The following TSC1 variants were observed in gnomAD, a reference collection of about 807,000 sequenced individuals.
The protein encoded by TSC1 is hamartin.
In TSC1, 20 loss-of-function variants were observed where a neutral mutation model predicts 124.3. That is an observed-to-expected ratio of 0.16 (90% CI 0.11 to 0.23). The LOEUF (loss-of-function observed/expected upper bound fraction) is 0.23. Ranked by LOEUF, TSC1 falls within the 10% of genes least tolerant of loss-of-function variation. The pLI is 1.00. For missense variants in TSC1, 1,124 were observed against 1,448.5 expected (o/e 0.78, Z 3.64); for synonymous variants, 493 against 539.1 (o/e 0.91, Z 1.19).
At chr9:132,927,649 A>G (rs952336824) in intron 3 of TSC1, among the ~76,000 whole-genome samples, 1 of 150,212 alleles carries the variant, frequency 6.7e-6, no homozygotes, top group African/African-American at 2.5e-5. Context: ...CAGCCTCCCA[A>G]GTAGCTAGCT....
At chr9:132,929,010 GA>G in intron 2 of TSC1, 58 bp from the exon 3 acceptor site, 1 of 1,445,056 alleles carries the variant, frequency 6.9e-7, no homozygotes, top group South Asian at 1.3e-5. Flanking sequence ...CATAAAAAAA[GA>G]AAATACCTGC....
chr9:132,903,959 C>A lies in TSC1; in HGVS notation c.2042-142G>T, dbSNP rs1331392641. ...TCTCTTTGCAAATGACCACTTGACTCCCAGCAACAGCAGGGGGGAAAGTAT... is the reference window on the plus strand; with the variant it reads ...TCTCTTTGCAAATGACCACTTGACTACCAGCAACAGCAGGGGGGAAAGTAT... On this transcript the variant is annotated intron_variant, in intron 16 of 22. Coordinates refer to ENST00000298552, the MANE Select transcript of TSC1 (RefSeq NM_000368.5). This position sits in a 1 kb window ranked among gnomAD's most constrained non-coding sequence, Gnocchi z 5.9. 5.2e-6 allele frequency: 5 copies of A among 959,890 alleles called. No individual in the cohort carries two copies. Among genetic ancestry groups the A allele is most frequent in the Admixed American group, 4.0e-5 (2 of 49,650 alleles). 59.5% of individuals were successfully genotyped at this position (959,890 alleles called of 1,614,324 possible).
At position 132,895,640 on chromosome 9, in the gene TSC1, G is replaced by T; in HGVS notation, c.*595C>A. On this transcript the variant is annotated 3_prime_UTR_variant, in exon 23 of 23. Transcript: ENST00000298552. ...AGGAAGCTTATCAGAACTGCCAAAA[G>T]AATGCAAGTATGAATAAACCGTTGT... The T allele has an allele frequency of 4.2e-6, 1 of 235,504 alleles. No individual in the cohort carries two copies. Among genetic ancestry groups the T allele is most frequent in the Non-Finnish European group, 8.4e-6 (1 of 119,508 alleles). The allele number at this position is 235,504 out of a possible 1,614,324, so 14.6% of individuals were successfully genotyped here.
chr9:132,936,629 G>C (rs1847469057), intron 1 of TSC1, among the ~76,000 whole-genome samples: 1 of 151,752 alleles, frequency 6.6e-6, no homozygotes. Flanking sequence ...TTAAAATATG[G>C]GTCCTTCAAA....
chr9:132,935,342 C>G (rs1303632278), intron 1 of TSC1, among the ~76,000 whole-genome samples: 1 of 152,192 alleles, frequency 6.6e-6, no homozygotes, highest in East Asian at 1.9e-4. Context: ...TTGTTAATGT[C>G]TGTTAGAGGT....
At position 132,910,671 on chromosome 9, in the gene TSC1, A is replaced by C. The variant is rs377598226; in HGVS notation, c.1163T>G (p.Leu388Arg). The C allele has an allele frequency of 2.5e-6, 4 of 1,613,996 alleles. No homozygotes were observed. Among genetic ancestry groups the C allele is most frequent in the Non-Finnish European group, 3.4e-6 (4 of 1,180,032 alleles). Residue 388 changes from leucine to arginine, a missense_variant, in exon 12 of 23, where the codon CTG (leucine) becomes CGG (arginine). Around this residue, in one of 5 missense-constraint regions of TSC1, gnomAD observed 463 missense variants for 606.8 expected, o/e 0.76. Coordinates refer to ENST00000298552, the MANE Select transcript of TSC1 (RefSeq NM_000368.5). The stretch of plus-strand genomic sequence containing the variant: ...AGGAGGAGAGGTTGCTGGGGTTCCC[A>C]GAGGAGTTCCTTTTCCACCTGCTTA... ...GTTAGGKGTP[L>R]GTPATSPPPA... is the part of the protein sequence containing the mutation.
intron 8 of TSC1, among the ~76,000 whole-genome samples, chr9:132,913,894 T>G (rs1314443118): frequency 6.8e-5 from 4 of 59,228 alleles, no homozygotes; most frequent in Admixed American, 1.7e-4. Flanking sequence ...TTGTTTTGTT[T>G]TTTTTTTTTT....
chr9:132,910,090 G>A (rs1270300760), intron 12 of TSC1: 1 of 184,312 alleles, frequency 5.4e-6, no homozygotes, highest in East Asian at 1.4e-4. Flanking sequence ...TTTGAGTCCA[G>A]GAGTTTAAGA....
chr9:132,894,103 C>T lies in TSC1; in HGVS notation c.*2132G>A, dbSNP rs1306556506. On this transcript the variant is annotated 3_prime_UTR_variant, in exon 23 of 23. Coordinates refer to ENST00000298552, the MANE Select transcript of TSC1 (RefSeq NM_000368.5). ...GTTATAAAGCTGAGTAAAAGGACAC[C>T]CAGGCCGCATGGATGAGCTGAGGAC... 8.6e-6 allele frequency: 2 copies of T among 233,500 alleles called. No homozygotes were observed. The highest frequency in any genetic ancestry group is 1.7e-5 in the Non-Finnish European group (2 of 118,022). The allele number at this position is 233,500 out of a possible 1,614,324, so 14.5% of individuals were successfully genotyped here.
At chr9:132,929,916 C>A (rs1847115607) in intron 2 of TSC1, among the ~76,000 whole-genome samples, 1 of 152,144 alleles carries the variant, frequency 6.6e-6, no homozygotes, top group African/African-American at 2.4e-5. Flanking sequence ...TGCCCGACTC[C>A]AAAGCCCCAA....
rs2131871148 is a variant in TSC1 at position 132,906,882 on chromosome 9, C to T, written c.1334-47G>A. On this transcript the variant is annotated intron_variant, in intron 13 of 22. Transcript: ENST00000298552. This position sits in a 1 kb window ranked among gnomAD's most constrained non-coding sequence, Gnocchi z 4.1. ...TGAAGTCAAAGAAATACAGTGTAAT[C>T]CCTGTAAGTGTAAAACTGCTTACAC... is the stretch of plus-strand genomic sequence containing the variant. The T allele has an allele frequency of 6.7e-7, 1 of 1,488,886 alleles. No individual in the cohort carries two copies. Among genetic ancestry groups the T allele is most frequent in the Non-Finnish European group, 9.4e-7 (1 of 1,067,732 alleles). The allele number at this position is 1,488,886 out of a possible 1,614,324, so 92.2% of individuals were successfully genotyped here.
intron 18 of TSC1, 143 bp from the exon 19 acceptor site, chr9:132,901,842 A>G: frequency 1.5e-6 from 1 of 678,306 alleles, no homozygotes. Context: ...TTGATGTCTT[A>G]GTTTTAAAAA....
chr9:132,942,812 A>G (rs576362640), intron 1 of TSC1, among the ~76,000 whole-genome samples: 48 of 152,342 alleles, frequency 3.2e-4, no homozygotes, highest in African/African-American at 1.1e-3. Context: ...ATCTTCTATA[A>G]ATACCCCTTA....
intron 1 of TSC1, among the ~76,000 whole-genome samples, chr9:132,939,766 C>G (rs1847642758): frequency 6.6e-6 from 1 of 152,140 alleles, no homozygotes; most frequent in African/African-American, 2.4e-5. Flanking sequence ...TAGAAGTATT[C>G]TAGGGAAGAA....
rs7862221 is a variant in TSC1 at position 132,906,834 on chromosome 9, T to C, written c.1335A>G (p.Glu445=). ...CAGAACCTTTGCTGCCAGGTGGCTCTTCTGAAGAGAAACAAAGACAACTGA... is the reference window on the plus strand; with the variant it reads ...CAGAACCTTTGCTGCCAGGTGGCTCCTCTGAAGAGAAACAAAGACAACTGA... ...QHHLLNDRGS[E]EPPGSKGSVT... Residue 445 remains glutamate (E), a splice_region_variant and synonymous_variant, in exon 14 of 23, where the codon GAA becomes GAG. Coordinates refer to ENST00000298552, the MANE Select transcript of TSC1 (RefSeq NM_000368.5). This position sits in a 1 kb window ranked among gnomAD's most constrained non-coding sequence, Gnocchi z 4.1. 230,188 of 1,613,436 alleles carry C rather than the reference T, an allele frequency of 0.14. 17,073 individuals carry two copies. The highest frequency in any genetic ancestry group is 0.21 in the African/African-American group (16,090 of 74,948).
chr9:132,945,016 T>C (rs1247207662), upstream of TSC1, among the ~76,000 whole-genome samples: 1 of 151,824 alleles, frequency 6.6e-6, no homozygotes, highest in Non-Finnish European at 1.5e-5. Flanking sequence ...CTGGGTGTGG[T>C]TGGAGCGCCC....
At chr9:132,936,657 C>T (rs1046495048) in intron 1 of TSC1, among the ~76,000 whole-genome samples, 3 of 152,172 alleles carry the variant, frequency 2.0e-5, no homozygotes, top group African/African-American at 7.2e-5. Context: ...TAGGTACAAT[C>T]TGATCACTAG....
In TSC1 at chr9:132,894,863, A is replaced by C. The variant is rs58612431; in HGVS notation, c.*1372T>G. 52,594 of 231,148 alleles carry C rather than the reference A, an allele frequency of 0.23. 7,920 individuals carry two copies. Among genetic ancestry groups the C allele is most frequent in the African/African-American group, 0.47 (21,061 of 45,246 alleles). 14.3% of individuals were successfully genotyped at this position (231,148 alleles called of 1,614,324 possible). A position where few individuals can be genotyped will look rare whatever the true frequency, so the allele number is the denominator to read the frequency against. On this transcript the variant is annotated 3_prime_UTR_variant, in exon 23 of 23. Transcript: ENST00000298552. ...AAGTTCACTGGCTCCTTCCTACCAA[A>C]TCCCCCTGCCTCAGCTGGAACACCA...
At position 132,902,030 on chromosome 9, in the gene TSC1, T is replaced by A. The variant is rs1045049157; in HGVS notation, c.2392-331A>T. On this transcript the variant is annotated intron_variant, in intron 18 of 22. Transcript: ENST00000298552. The surrounding 1 kb of genome is among the most constrained non-coding windows in gnomAD (Gnocchi z 5.2). Reference sequence around the variant, plus strand: ...AGACGCAGCGCCATCTGTTGGACACTCTGTGAATTACTAACTGGCTGGAAA... The same window carrying A: ...AGACGCAGCGCCATCTGTTGGACACACTGTGAATTACTAACTGGCTGGAAA... The A allele has an allele frequency of 2.4e-5, 7 of 292,550 alleles. No homozygotes were observed. The Admixed American group carries it at 3.4e-4, about 14-fold the overall frequency. The allele number at this position is 292,550 out of a possible 1,614,324, so 18.1% of individuals were successfully genotyped here.
Sources: allele counts gnomAD v4.1 joint callset (sites outside exome capture counted in the v4.1 genomes callset), GRCh38; gene constraint gnomAD v4.1.1; regional missense constraint gnomAD v4.1.1; non-coding constraint Gnocchi (gnomAD v3.1); transcripts MANE v1.5; gene names NCBI Gene and HGNC (gene_info 2026-07-23, HGNC 2026-07-21).